The following THRB variants were observed in gnomAD, a reference collection of about 807,000 sequenced individuals.
THRB encodes the protein nuclear receptor subfamily 1 group A member 2.
THRB carries 12 observed loss-of-function variants against 47.8 expected under a neutral mutation model. The observed-to-expected ratio is 0.25, with a 90% CI of 0.16 to 0.41. THRB has a LOEUF of 0.41. Ranked by LOEUF, THRB falls within the 10% of genes least tolerant of loss-of-function variation. THRB has a pLI of 1.00. For synonymous variants in THRB, 218 were observed against 212.2 expected (o/e 1.03, Z -0.24); for missense variants, 348 against 589.2 (o/e 0.59, Z 4.24).
At chr3:24,447,663 C>G (rs149810234) in intron 1 of THRB, among the ~76,000 whole-genome samples, 1 of 152,164 alleles carries the variant, frequency 6.6e-6, no homozygotes, top group Non-Finnish European at 1.5e-5. Flanking sequence ...TAGCAAAACT[C>G]TATGATCTGA....
intron 1 of THRB, among the ~76,000 whole-genome samples, chr3:24,349,788 A>C (rs1314139158): frequency 6.6e-6 from 1 of 152,120 alleles, no homozygotes; most frequent in African/African-American, 2.4e-5. Flanking sequence ...GGGTAAACAA[A>C]GTTTTCTTAA....
At chr3:24,408,578 T>C (rs983584276) in intron 1 of THRB, among the ~76,000 whole-genome samples, 1 of 151,678 alleles carries the variant, frequency 6.6e-6, no homozygotes, top group Non-Finnish European at 1.5e-5. Context: ...TGTTTCCTGC[T>C]AACAGAAACC....
intron 3 of THRB, among the ~76,000 whole-genome samples, chr3:24,280,486 A>G (rs2054445667): frequency 6.6e-6 from 1 of 152,074 alleles, no homozygotes; most frequent in African/African-American, 2.4e-5. Flanking sequence ...AAAGATGGGG[A>G]AAAAACAGAG....
At chr3:24,419,450 G>A (rs1023841778) in intron 1 of THRB, among the ~76,000 whole-genome samples, 1 of 151,690 alleles carries the variant, frequency 6.6e-6, no homozygotes, top group Non-Finnish European at 1.5e-5. Context: ...TCCTGCCCTG[G>A]GCATTAAAAA....
At chr3:24,476,191 T>A (rs907244312) in intron 1 of THRB, among the ~76,000 whole-genome samples, 3 of 152,216 alleles carry the variant, frequency 2.0e-5, no homozygotes, top group Non-Finnish European at 2.9e-5. Context: ...TTTCACCCCA[T>A]GGACTGGTTC....
chr3:24,302,697 T>G (rs780564136), intron 2 of THRB, among the ~76,000 whole-genome samples: 6 of 152,182 alleles, frequency 3.9e-5, no homozygotes, highest in African/African-American at 9.7e-5. Flanking sequence ...GGCTAAGCAT[T>G]TACTATACTT....
rs201484098 is a variant in THRB, at chr3:24,486,625, ATAGAT to A, written c.-261+8022_-261+8026del. ...TGTTTATGAACCCATAGAGTGGGAG[ATAGAT>A]TAATAAGCCAGATGCCTAGGATCTT... is the stretch of plus-strand genomic sequence containing the variant. On this transcript the variant is annotated intron_variant, in intron 1 of 10. Transcript: ENST00000646209. 66 of 152,288 alleles carry A rather than the reference ATAGAT, an allele frequency of 4.3e-4. No individual in the cohort carries two copies. The East Asian group carries it at 0.01, about 24-fold the overall frequency. 9.4% of individuals were successfully genotyped at this position (152,288 alleles called of 1,614,324 possible). A position where few individuals can be genotyped will look rare whatever the true frequency, so the allele number is the denominator to read the frequency against.
intron 1 of THRB, among the ~76,000 whole-genome samples, chr3:24,357,171 C>T (rs2063726457): frequency 6.8e-6 from 1 of 148,096 alleles, no homozygotes; most frequent in African/African-American, 2.5e-5. Context: ...TTTTTTGTCC[C>T]CCAAAATGAA....
chr3:24,135,262 G>C (rs1191961042), intron 8 of THRB, among the ~76,000 whole-genome samples: 1 of 152,130 alleles, frequency 6.6e-6, no homozygotes, highest in East Asian at 1.9e-4. Flanking sequence ...ACTCTTCTTG[G>C]TGCCAGAGCA....
At chr3:24,269,277 C>CCACACACACACACACACACACACA (rs4024153) in intron 3 of THRB, among the ~76,000 whole-genome samples, 4 of 140,686 alleles carry the variant, frequency 2.8e-5, no homozygotes, top group African/African-American at 1.1e-4. Flanking sequence ...AATGGATACA[C>CCACACACACACACACACACACACA]CACACACACA....
intron 1 of THRB, among the ~76,000 whole-genome samples, chr3:24,471,397 A>G (rs2125766950): frequency 6.6e-6 from 1 of 152,342 alleles, no homozygotes; most frequent in East Asian, 1.9e-4. Context: ...GGGTTAAGGC[A>G]TCTACATGCT....
At chr3:24,135,041 G>C (rs1261020307) in intron 8 of THRB, among the ~76,000 whole-genome samples, 1 of 152,162 alleles carries the variant, frequency 6.6e-6, no homozygotes, top group Non-Finnish European at 1.5e-5. Flanking sequence ...TGATTCAGCA[G>C]GTCAGGGATG....
chr3:24,334,486 T>C (rs1312761511), intron 2 of THRB, among the ~76,000 whole-genome samples: 1 of 152,146 alleles, frequency 6.6e-6, no homozygotes, highest in Non-Finnish European at 1.5e-5. Context: ...GAAGTAGAGA[T>C]TACTGAACAA....
chr3:24,288,335 ACAT>A (rs1261571391), intron 3 of THRB, among the ~76,000 whole-genome samples: 7 of 152,216 alleles, frequency 4.6e-5, no homozygotes, highest in African/African-American at 1.7e-4. Context: ...TCCACCGTCT[ACAT>A]CTGAACTATT....
At chr3:24,256,489 A>G (rs938514607) in intron 3 of THRB, among the ~76,000 whole-genome samples, 2 of 152,122 alleles carry the variant, frequency 1.3e-5, no homozygotes, top group Non-Finnish European at 2.9e-5. Context: ...AATTTAATGG[A>G]AGATGTGGAC....
intron 10 of THRB, among the ~76,000 whole-genome samples, chr3:24,126,119 G>A (rs777582833): frequency 9.2e-5 from 14 of 152,206 alleles, no homozygotes; most frequent in Admixed American, 2.6e-4. Context: ...TAGGCCAGGC[G>A]TGGTGGCTCA....
intron 3 of THRB, among the ~76,000 whole-genome samples, chr3:24,236,065 C>A (rs973299418): frequency 5.3e-5 from 8 of 152,100 alleles, no homozygotes; most frequent in Non-Finnish European, 1.2e-4. Flanking sequence ...GTGGGCTGCA[C>A]CCATGCTAGG....
intron 1 of THRB, among the ~76,000 whole-genome samples, chr3:24,408,439 CAT>C (rs1423460519): frequency 6.6e-6 from 1 of 151,804 alleles, no homozygotes; most frequent in Non-Finnish European, 1.5e-5. Context: ...CAAATTTCGA[CAT>C]ATGTTTAGTA....
Position 24,331,641 on chromosome 3 carries a change from A to C in THRB, c.-189+5659T>G, listed in dbSNP as rs543887716. ...TGTGTGTATGAATATACATACACAT[A>C]TATAGTGTGTTTATATACATACACA... On this transcript the variant is annotated intron_variant, in intron 2 of 10. Transcript: ENST00000646209. Among the ~76,000 whole-genome samples, 4 of 151,516 alleles carry C rather than the reference A, an allele frequency of 2.6e-5. No homozygotes were observed. The East Asian group carries it at 7.9e-4, about 30-fold the overall frequency.
Sources: allele counts gnomAD v4.1 joint callset (sites outside exome capture counted in the v4.1 genomes callset), GRCh38; gene constraint gnomAD v4.1.1; transcripts MANE v1.5; gene names NCBI Gene and HGNC (gene_info 2026-07-23, HGNC 2026-07-21).